The following ATG7 variants were observed in gnomAD, a reference collection of about 807,000 sequenced individuals.
ATG7 encodes ubiquitin-like modifier-activating enzyme ATG7.
A neutral mutation model predicts 82.4 loss-of-function variants in ATG7; 70 were observed. The ratio of observed to expected loss-of-function variants is 0.85; its 90% CI spans 0.70 to 1.04. The LOEUF (loss-of-function observed/expected upper bound fraction) is 1.04. Among genes scored for constraint, ATG7 ranks in the 50% least tolerant of loss-of-function variants. The pLI, the probability that ATG7 is intolerant of heterozygous loss-of-function variation, is 0.00. For synonymous variants in ATG7, 287 were observed against 313.0 expected, an observed-to-expected ratio of 0.92 and a Z score of 0.88; for missense variants, 792 against 864.3, an observed-to-expected ratio of 0.92 and a Z score of 1.05.
intron 19 of ATG7, among the ~76,000 whole-genome samples, chr3:11,382,925 C>T (rs1355226533): frequency 4.6e-5 from 7 of 152,174 alleles, no homozygotes; most frequent in Non-Finnish European, 1.0e-4. Context: ...CCTCCAATCC[C>T]TCCTTCTTCC....
chr3:11,558,998 A>G (rs1422669122), downstream of ATG7, among the ~76,000 whole-genome samples: 4 of 152,182 alleles, frequency 2.6e-5, no homozygotes, highest in Non-Finnish European at 4.4e-5. Flanking sequence ...TGGGCAGGTC[A>G]CTTTTCTGTA....
At chr3:11,483,094 A>G (rs565979474) in intron 20 of ATG7, among the ~76,000 whole-genome samples, 2 of 152,160 alleles carry the variant, frequency 1.3e-5, no homozygotes, top group Non-Finnish European at 2.9e-5. Flanking sequence ...ATTATCAGCT[A>G]TTGTGGCAAA....
At chr3:11,553,480 A>T (rs985098723) in intron 20 of ATG7, among the ~76,000 whole-genome samples, 20 of 152,092 alleles carry the variant, frequency 1.3e-4, no homozygotes, top group African/African-American at 4.3e-4. Flanking sequence ...CAGAGATCAG[A>T]TCCAGGAGCT....
Position 11,509,098 on chromosome 3 carries a change from CTCT to C in ATG7, c.2080-45708_2080-45706del, listed in dbSNP as rs541474908. ...TTTCAGAGAGCTTTAAGTACCTTAA[CTCT>C]TCTTATTTTATTAAAACACCCAGGT... On this transcript the variant is annotated intron_variant, in intron 20 of 20. Transcript: ENST00000693202. 1.1e-4 allele frequency among the ~76,000 whole-genome samples: 16 copies of C among 152,340 alleles called. No homozygotes were observed. The South Asian group carries it at 3.3e-3, about 32-fold the overall frequency.
At chr3:11,458,560 G>A (rs1204752813) in intron 20 of ATG7, among the ~76,000 whole-genome samples, 3 of 152,202 alleles carry the variant, frequency 2.0e-5, no homozygotes, top group African/African-American at 7.2e-5. Context: ...ACTGCGCCTG[G>A]CCTAGATTTG....
Position 11,538,707 on chromosome 3 carries a change from T to A in ATG7, c.2080-16104T>A, listed in dbSNP as rs1002892935. Among the ~76,000 whole-genome samples, 295 of 66,916 alleles carry A rather than the reference T, an allele frequency of 4.4e-3. 19 individuals are homozygous for A. The highest frequency in any genetic ancestry group is 0.017 in the African/African-American group (252 of 14,456). The allele number at this position is 66,916 out of a possible 152,430, so 43.9% of individuals were successfully genotyped here. A position where few individuals can be genotyped will look rare whatever the true frequency, so the allele number is the denominator to read the frequency against. ...AAAAAAAAAAAAAAAAAAAAAAAAA[T>A]TAGCCAAAAAAAAAAAAAAAGCCAG... On this transcript the variant is annotated intron_variant, in intron 20 of 20. Transcript: ENST00000693202.
At chr3:11,399,678 G>A (rs1049986479) in intron 19 of ATG7, among the ~76,000 whole-genome samples, 3 of 152,134 alleles carry the variant, frequency 2.0e-5, no homozygotes, top group South Asian at 2.1e-4. Context: ...GGGCTCAGAC[G>A]ATTCTCCTGC....
intron 15 of ATG7, among the ~76,000 whole-genome samples, 164 bp from the exon 16 acceptor site, chr3:11,360,417 T>G (rs566032136): frequency 6.6e-6 from 1 of 152,362 alleles, no homozygotes; most frequent in African/African-American, 2.4e-5. Flanking sequence ...TTGTAATTAA[T>G]AAGCCCTCAG....
At chr3:11,340,232 G>C (rs374858057) in intron 11 of ATG7, among the ~76,000 whole-genome samples, 1 of 152,080 alleles carries the variant, frequency 6.6e-6, no homozygotes, top group South Asian at 2.1e-4. Context: ...CTCAGTGAAG[G>C]GGTGCTGCAG....
At chr3:11,296,727 T>G (rs1280644488) in intron 3 of ATG7, among the ~76,000 whole-genome samples, 1 of 152,316 alleles carries the variant, frequency 6.6e-6, no homozygotes, top group Non-Finnish European at 1.5e-5. Flanking sequence ...CGTGTCCCTA[T>G]TTCTGCCATG....
intron 20 of ATG7, among the ~76,000 whole-genome samples, chr3:11,498,982 T>G (rs2091097148): frequency 6.6e-6 from 1 of 152,236 alleles, no homozygotes; most frequent in Admixed American, 6.5e-5. Flanking sequence ...TGGTCCCTGG[T>G]GCTCCTAGAG....
chr3:11,332,990 T>C lies in ATG7; in HGVS notation c.786T>C (p.Ser262=). Residue 262 remains serine, a synonymous_variant, in exon 11 of 21, where the codon TCT becomes TCC. Coordinates refer to ENST00000693202, the MANE Select transcript of ATG7 (RefSeq NM_001349232.2). The part of the protein sequence containing the change: ...AAHRWSSSFQ[S]VEVVCFRDRT... Reference sequence around the variant, plus strand: ...ACAACAGGAGTAGCAGTTTCCAGTCTGTTGAAGTTGTTTGCTTCCGTGACC... The same window carrying C: ...ACAACAGGAGTAGCAGTTTCCAGTCCGTTGAAGTTGTTTGCTTCCGTGACC... 1 of 1,555,704 alleles carries C rather than the reference T, an allele frequency of 6.4e-7. No homozygotes were observed. The highest frequency in any genetic ancestry group is 1.7e-4 in the Middle Eastern group (1 of 5,832).
At chr3:11,520,399 T>G (rs34250247) in intron 20 of ATG7, among the ~76,000 whole-genome samples, 1,997 of 152,290 alleles carry the variant, frequency 0.013, 24 homozygotes, top group Non-Finnish European at 0.021. Context: ...CCTCCTATTT[T>G]GAGGGATATT....
At chr3:11,524,721 A>G (rs867864214) in intron 20 of ATG7, among the ~76,000 whole-genome samples, 2 of 152,190 alleles carry the variant, frequency 1.3e-5, no homozygotes, top group African/African-American at 2.4e-5. Context: ...CACAAGTTGG[A>G]GGCTGCAGTG....
intron 20 of ATG7, among the ~76,000 whole-genome samples, chr3:11,493,305 C>G (rs1389300630): frequency 6.6e-6 from 1 of 152,194 alleles, no homozygotes; most frequent in Non-Finnish European, 1.5e-5. Context: ...GGCAAGTCGC[C>G]TCTCCCCAAC....
chr3:11,329,056 C>T (rs1951280627), intron 9 of ATG7, among the ~76,000 whole-genome samples: 1 of 152,214 alleles, frequency 6.6e-6, no homozygotes, highest in Non-Finnish European at 1.5e-5. Context: ...GATCGTGCCG[C>T]TGCACTCCAG....
At chr3:11,497,007 A>G (rs2090884056) in intron 20 of ATG7, among the ~76,000 whole-genome samples, 1 of 151,722 alleles carries the variant, frequency 6.6e-6, no homozygotes, top group African/African-American at 2.4e-5. Flanking sequence ...GTGCACCACC[A>G]TGCCCAGCTA....
chr3:11,565,395 G>A, the ATG7 span, among the ~76,000 whole-genome samples: 4 of 152,126 alleles, frequency 2.6e-5, no homozygotes, highest in Non-Finnish European at 4.4e-5. This position sits in a 1 kb window ranked among gnomAD's most constrained non-coding sequence, Gnocchi z 4.1. Flanking sequence ...CGCTGACAAC[G>A]ATCCAGAGTC....
intron 20 of ATG7, among the ~76,000 whole-genome samples, chr3:11,454,930 C>G (rs1476907452): frequency 2.0e-5 from 3 of 152,180 alleles, no homozygotes; most frequent in Non-Finnish European, 2.9e-5. Flanking sequence ...CCCTGCCTCC[C>G]AGAAGCTCTA....
Sources: allele counts gnomAD v4.1 joint callset (sites outside exome capture counted in the v4.1 genomes callset), GRCh38; gene constraint gnomAD v4.1.1; non-coding constraint Gnocchi (gnomAD v3.1); transcripts MANE v1.5; gene names NCBI Gene and HGNC (gene_info 2026-07-23, HGNC 2026-07-21).